PRH1: variants seen among roughly 807,000 people sequenced by gnomAD.
PRH1 encodes salivary acidic proline-rich phosphoprotein 1/2.
PRH1 carries 7 observed loss-of-function variants against 7.9 expected under a neutral mutation model. The observed-to-expected ratio is 0.89, with a 90% CI of 0.50 to 1.67. The LOEUF (loss-of-function observed/expected upper bound fraction) is 1.67. PRH1 is among the 40% of genes most tolerant of loss of function. The probability of loss-of-function intolerance (pLI) is 0.00; values close to 1 mark genes in which losing one functional copy is unlikely to be tolerated. For missense variants in PRH1, 109 were observed against 223.6 expected (o/e 0.49, Z 3.27); for synonymous variants, 45 against 80.8 (o/e 0.56, Z 2.38).
At position 11,086,814 on chromosome 12, in the gene PRH1, T is replaced by G. The variant is rs1469400553; in HGVS notation, n.124-39626A>C. 1.8e-5 allele frequency among the ~76,000 whole-genome samples: 2 copies of G among 114,196 alleles called. 1 individual carries two copies. The highest frequency in any genetic ancestry group is 1.8e-4 in the Admixed American group (2 of 11,326). 74.9% of individuals were successfully genotyped at this position (114,196 alleles called of 152,430 possible). A position where few individuals can be genotyped will look rare whatever the true frequency, so the allele number is the denominator to read the frequency against. ...ATAAAATCCCAGCTACTCAGGTGGC[T>G]GTGGCAGAAAAATCATTGGAACCCA... On this transcript the variant is annotated intron_variant and non_coding_transcript_variant, in intron 1 of 4. Coordinates refer to the PRH1 transcript ENST00000541977.
At chr12:10,959,331 T>A (rs1938122942) in intron 2 of PRH1, among the ~76,000 whole-genome samples, 1 of 19,166 alleles carries the variant, frequency 5.2e-5, no homozygotes, top group South Asian at 5.1e-3. Context: ...AAATAGTCTA[T>A]TAGAGAAAGG....
At chr12:10,924,088 C>T (rs1325695257) in intron 2 of PRH1, among the ~76,000 whole-genome samples, 2 of 141,280 alleles carry the variant, frequency 1.4e-5, no homozygotes, top group Non-Finnish European at 3.0e-5. Flanking sequence ...CCTGGGTTCA[C>T]GCCATTCTCC....
chr12:10,975,807 A>G (rs981563854), intron 1 of PRH1, among the ~76,000 whole-genome samples: 2 of 152,174 alleles, frequency 1.3e-5, no homozygotes, highest in African/African-American at 4.8e-5. Flanking sequence ...TAAATCAACA[A>G]AGATCAAAAA....
At chr12:10,899,835 T>C (rs1242162707) in intron 2 of PRH1, among the ~76,000 whole-genome samples, 1 of 152,094 alleles carries the variant, frequency 6.6e-6, no homozygotes, top group Non-Finnish European at 1.5e-5. Flanking sequence ...TTAAATTAGA[T>C]AAAATGGACA....
At chr12:10,939,584 C>T (rs1161526023) in intron 2 of PRH1, among the ~76,000 whole-genome samples, 5 of 130,888 alleles carry the variant, frequency 3.8e-5, no homozygotes, top group Non-Finnish European at 6.3e-5. Flanking sequence ...TATCTACATA[C>T]TTCAGTCTGT....
intron 1 of PRH1, among the ~76,000 whole-genome samples, chr12:10,988,339 A>T (rs1292097466): frequency 2.6e-5 from 4 of 152,126 alleles, no homozygotes; most frequent in Non-Finnish European, 4.4e-5. Context: ...GAGCCAAAAG[A>T]AAAATAGATG....
At chr12:11,014,513 A>G (rs1941204367) in intron 1 of PRH1, among the ~76,000 whole-genome samples, 1 of 152,196 alleles carries the variant, frequency 6.6e-6, no homozygotes, top group Non-Finnish European at 1.5e-5. Flanking sequence ...AAGAGGCTTC[A>G]TACTTTGAAA....
intron 1 of PRH1, among the ~76,000 whole-genome samples, chr12:11,137,356 GCTT>G (rs1946586505): frequency 6.6e-6 from 1 of 152,164 alleles, no homozygotes; most frequent in South Asian, 2.1e-4. Flanking sequence ...TGAATCTGGT[GCTT>G]CTAAGGAATT....
chr12:11,066,298 C>T (rs1306138490), intron 1 of PRH1, among the ~76,000 whole-genome samples: 3 of 152,122 alleles, frequency 2.0e-5, no homozygotes, highest in Admixed American at 2.0e-4. Flanking sequence ...ACTATTTGGT[C>T]CTAAAATCCT....
intron 1 of PRH1, among the ~76,000 whole-genome samples, chr12:11,026,377 G>C (rs1868770): frequency 0.015 from 2,303 of 151,000 alleles, 19 homozygotes; most frequent in South Asian, 0.031. Context: ...TTCGGCTCAT[G>C]TCCATTCCAA....
At chr12:10,950,820 T>A (rs1179707439) in intron 2 of PRH1, among the ~76,000 whole-genome samples, 1 of 151,764 alleles carries the variant, frequency 6.6e-6, no homozygotes, top group South Asian at 2.1e-4. Context: ...ATAGGCATCA[T>A]AGGAAAATAC....
rs368021036 is a variant in PRH1, at chr12:11,062,185, T to C, written n.124-14997A>G. ...GTCAGCAAAAGAGATCTTTTGTCTC[T>C]TGAACCACTCAATGGAATTTACCAA... is the stretch of plus-strand genomic sequence containing the variant. On this transcript the variant is annotated intron_variant and non_coding_transcript_variant, in intron 1 of 4. Transcript: ENST00000541977. 2 of 1,613,478 alleles carry C rather than the reference T, an allele frequency of 1.2e-6. No homozygotes were observed. Among genetic ancestry groups the C allele is most frequent in the African/African-American group, 1.3e-5 (1 of 74,902 alleles).
At chr12:11,145,924 A>G (rs1483862014) in intron 1 of PRH1, among the ~76,000 whole-genome samples, 1 of 152,206 alleles carries the variant, frequency 6.6e-6, no homozygotes, top group Non-Finnish European at 1.5e-5. Context: ...AACTATACAT[A>G]GCTCTATAAC....
rs536943746 is a variant in PRH1 at position 10,903,186 on chromosome 12, G to GA, written c.-58-18912dup. On this transcript the variant is annotated intron_variant, in intron 2 of 3. Transcript: ENST00000539853. ...AAGGATCTGTAACACAAATAGAAAA[G>GA]AAAAAAAGAAAGAATCACTATTCCT... is the stretch of plus-strand genomic sequence containing the variant. 2.4e-3 allele frequency among the ~76,000 whole-genome samples: 356 copies of GA among 151,422 alleles called. 1 individual carries two copies. The highest frequency in any genetic ancestry group is 8.2e-3 in the African/African-American group (339 of 41,310).
intron 1 of PRH1, among the ~76,000 whole-genome samples, chr12:11,086,227 T>C (rs114752576): frequency 0.015 from 2,274 of 147,042 alleles, 155 homozygotes; most frequent in African/African-American, 0.055. Flanking sequence ...AAGCTTAATG[T>C]CTCATGCTTA....
intron 1 of PRH1, among the ~76,000 whole-genome samples, chr12:11,059,818 TCC>T (rs1266732075): frequency 6.6e-6 from 1 of 152,220 alleles, no homozygotes; most frequent in Non-Finnish European, 1.5e-5. Flanking sequence ...GTGATGAGTT[TCC>T]CTTTCATTGG....
intron 2 of PRH1, chr12:10,907,850 T>C (rs2135821561): frequency 6.6e-6 from 1 of 151,444 alleles, no homozygotes; most frequent in African/African-American, 2.4e-5. Context: ...AAAACCGTTA[T>C]CTTTTTATGT....
chr12:11,099,312 A>C (rs969484731), intron 1 of PRH1, among the ~76,000 whole-genome samples: 13 of 152,192 alleles, frequency 8.5e-5, no homozygotes, highest in African/African-American at 3.1e-4. Context: ...GGAGAATGAG[A>C]AAGTAATGAA....
At chr12:10,985,886 G>A (rs749390256) in intron 1 of PRH1, 189 of 1,411,090 alleles carry the variant, frequency 1.3e-4, no homozygotes, top group Non-Finnish European at 1.8e-4. Context: ...GACACTATCA[G>A]TTTGTTTTCT....
Sources: allele counts gnomAD v4.1 joint callset (sites outside exome capture counted in the v4.1 genomes callset), GRCh38; gene constraint gnomAD v4.1.1; transcripts MANE v1.5; gene names NCBI Gene and HGNC (gene_info 2026-07-23, HGNC 2026-07-21).